B3GALT1: variants seen among roughly 807,000 people sequenced by gnomAD.
B3GALT1 encodes the protein UDP-Gal:betaGlcNAc beta 1,3-galactosyltransferase, polypeptide 1.
In B3GALT1, 10 loss-of-function variants were observed where a neutral mutation model predicts 23.2. That is an observed-to-expected ratio of 0.43 (90% CI 0.27 to 0.73). The LOEUF (loss-of-function observed/expected upper bound fraction) is 0.73, where lower values mean the gene tolerates loss of function less well. B3GALT1 is among the 30% of genes least tolerant of loss of function. The probability of loss-of-function intolerance (pLI) is 0.21; values close to 1 mark genes in which losing one functional copy is unlikely to be tolerated. For missense variants in B3GALT1, 299 were observed against 405.4 expected, an observed-to-expected ratio of 0.74 and a Z score of 2.25; for synonymous variants, 156 against 141.5, an observed-to-expected ratio of 1.10 and a Z score of -0.73.
Position 167,869,019 on chromosome 2 carries a change from A to G in B3GALT1, c.-21A>G. 6.4e-7 allele frequency: 1 copy of G among 1,570,006 alleles called. No individual in the cohort carries two copies. Among genetic ancestry groups the G allele is most frequent in the Non-Finnish European group, 8.6e-7 (1 of 1,159,440 alleles). On this transcript the variant is annotated 5_prime_UTR_variant, in exon 5 of 5. Transcript: ENST00000392690. This position sits in a 1 kb window ranked among gnomAD's most constrained non-coding sequence, Gnocchi z 6.4. ...AGGAGGCGTATTCTTCAATATTTGG[A>G]ATAGACGTGTTCTCAAGACAATGGC... is the stretch of plus-strand genomic sequence containing the variant.
intron 3 of B3GALT1, among the ~76,000 whole-genome samples, chr2:167,669,314 T>C (rs1339931609): frequency 2.6e-5 from 4 of 152,218 alleles, no homozygotes; most frequent in Admixed American, 2.6e-4. Flanking sequence ...GATATTATAA[T>C]CAAAATTTAT....
chr2:167,350,702 A>G (rs867394657), intron 1 of B3GALT1, among the ~76,000 whole-genome samples: 5 of 152,228 alleles, frequency 3.3e-5, no homozygotes, highest in African/African-American at 9.6e-5. Flanking sequence ...GTGTCGGTCT[A>G]CTGCAACACA....
chr2:167,797,062 C>G, intron 3 of B3GALT1, among the ~76,000 whole-genome samples: 1 of 152,128 alleles, frequency 6.6e-6, no homozygotes, highest in East Asian at 1.9e-4. Flanking sequence ...GTTTGCTGCA[C>G]AGATCAACCC....
chr2:167,394,956 C>A (rs951783623), intron 1 of B3GALT1, among the ~76,000 whole-genome samples: 1 of 152,144 alleles, frequency 6.6e-6, no homozygotes, highest in African/African-American at 2.4e-5. Context: ...TTTCTAATTT[C>A]ACAAGTTCAT....
chr2:167,382,672 G>C (rs1356285374), intron 1 of B3GALT1, among the ~76,000 whole-genome samples: 3 of 152,100 alleles, frequency 2.0e-5, no homozygotes. Flanking sequence ...TGGTGAATAC[G>C]GCATATAGAA....
chr2:167,444,573 A>G (rs975157048), intron 1 of B3GALT1, among the ~76,000 whole-genome samples: 9 of 152,054 alleles, frequency 5.9e-5, no homozygotes, highest in African/African-American at 2.2e-4. Context: ...CAGAGATTCA[A>G]CTTCTTCCTT....
At chr2:167,867,136 C>T (rs1314575633) in intron 4 of B3GALT1, among the ~76,000 whole-genome samples, 12 of 152,116 alleles carry the variant, frequency 7.9e-5, no homozygotes, top group Non-Finnish European at 1.6e-4. Flanking sequence ...CCGTTTTAGC[C>T]AGGATGGTCT....
At chr2:167,781,291 A>G (rs1157728959) in intron 3 of B3GALT1, among the ~76,000 whole-genome samples, 1 of 152,292 alleles carries the variant, frequency 6.6e-6, no homozygotes, top group East Asian at 1.9e-4. Flanking sequence ...TGGATCCAGC[A>G]CAGCAAAGAA....
At chr2:167,836,320 A>T (rs1460830664) in intron 4 of B3GALT1, among the ~76,000 whole-genome samples, 2 of 152,284 alleles carry the variant, frequency 1.3e-5, no homozygotes, top group Non-Finnish European at 1.5e-5. Flanking sequence ...ACCAATACAG[A>T]GAAGTGCTTA....
At chr2:167,735,400 C>T (rs1174515917) in intron 3 of B3GALT1, among the ~76,000 whole-genome samples, 1 of 152,212 alleles carries the variant, frequency 6.6e-6, no homozygotes, top group Non-Finnish European at 1.5e-5. Flanking sequence ...CCTGCTTCTA[C>T]AGCAGCTAAA....
chr2:167,797,833 T>A (rs1243818589), intron 3 of B3GALT1, among the ~76,000 whole-genome samples: 1 of 152,162 alleles, frequency 6.6e-6, no homozygotes, highest in Non-Finnish European at 1.5e-5. Flanking sequence ...GCCTCCTGAG[T>A]AGCTGGGACT....
At chr2:167,450,479 C>A (rs1051906539) in intron 1 of B3GALT1, among the ~76,000 whole-genome samples, 5 of 152,132 alleles carry the variant, frequency 3.3e-5, no homozygotes, top group Non-Finnish European at 7.4e-5. Context: ...ATACCAAATT[C>A]TTGGCTGATA....
intron 3 of B3GALT1, chr2:167,815,033 G>C (rs836716): frequency 0.36 from 54,891 of 152,072 alleles, 11,179 homozygotes; most frequent in East Asian, 0.69. Flanking sequence ...GGCCTGGCAC[G>C]CACTGGACTC....
chr2:167,829,532 A>C (rs910600141), intron 4 of B3GALT1, among the ~76,000 whole-genome samples: 1 of 152,014 alleles, frequency 6.6e-6, no homozygotes, highest in Non-Finnish European at 1.5e-5. Context: ...ATAGATATCT[A>C]AAGTATGATA....
intron 3 of B3GALT1, among the ~76,000 whole-genome samples, chr2:167,808,854 T>C (rs527672594): frequency 6.6e-6 from 1 of 152,344 alleles, no homozygotes; most frequent in South Asian, 2.1e-4. Flanking sequence ...GGGGAAGCTC[T>C]CCTGGATAAT....
chr2:167,694,556 G>C (rs1686763865), intron 3 of B3GALT1, among the ~76,000 whole-genome samples: 2 of 152,006 alleles, frequency 1.3e-5, no homozygotes, highest in Admixed American at 1.3e-4. Flanking sequence ...TCAATAATCT[G>C]TGAAATAATA....
intron 2 of B3GALT1, among the ~76,000 whole-genome samples, chr2:167,596,322 A>T (rs531367809): frequency 6.6e-6 from 1 of 152,280 alleles, no homozygotes; most frequent in South Asian, 2.1e-4. Context: ...TGGACTCTAG[A>T]TATGGTTACA....
intron 2 of B3GALT1, among the ~76,000 whole-genome samples, chr2:167,611,363 T>G (rs941369606): frequency 1.3e-5 from 2 of 151,986 alleles, no homozygotes; most frequent in African/African-American, 4.8e-5. Context: ...TGTTAAAATA[T>G]AGCAAACTGC....
chr2:167,791,017 A>G lies in B3GALT1; in HGVS notation c.-351-27655A>G, dbSNP rs767358714. ...ATTCAAGGCTCTACTTTAGATTTCT[A>G]TTTGCTGGAACCCTGTCAGGAGATG... On this transcript the variant is annotated intron_variant, in intron 3 of 4. Coordinates refer to ENST00000392690, the MANE Select transcript of B3GALT1 (RefSeq NM_020981.4). Among the ~76,000 whole-genome samples the G allele has an allele frequency of 9.2e-5, 14 of 152,202 alleles. No individual in the cohort carries two copies. In the South Asian group the frequency reaches 2.5e-3, roughly 27 times the overall value.
Sources: allele counts gnomAD v4.1 joint callset (sites outside exome capture counted in the v4.1 genomes callset), GRCh38; gene constraint gnomAD v4.1.1; non-coding constraint Gnocchi (gnomAD v3.1); transcripts MANE v1.5; gene names NCBI Gene and HGNC (gene_info 2026-07-23, HGNC 2026-07-21).